Variants in ACSF3 observed in about 807,000 individuals in gnomAD.
ACSF3 encodes malonate--CoA ligase ACSF3, mitochondrial.
Under a neutral mutation model 53.2 loss-of-function variants are expected in ACSF3, and 78 were observed. The observed-to-expected ratio is 1.47, with a 90% CI of 1.22 to 1.77. The LOEUF is 1.77. Ranked by LOEUF, ACSF3 falls within the 40% of genes most tolerant of loss-of-function variation. The pLI is 0.00. For synonymous variants in ACSF3, 414 were observed against 333.1 expected (o/e 1.24, Z -2.65); for missense variants, 937 against 771.1 (o/e 1.22, Z -2.55).
At position 89,155,934 on chromosome 16, in the gene ACSF3, C is replaced by T. The variant is rs922544104; in HGVS notation, c.*1727C>T. ...CTACAGAAAGCCTGGAGCTCATTGA[C>T]CAGAAACTGCAGAGAGCCTGGAGCT... On this transcript the variant is annotated 3_prime_UTR_variant, in exon 11 of 11. Transcript: ENST00000614302. The T allele has an allele frequency of 1.6e-5, 6 of 367,604 alleles. No homozygotes were observed. The highest frequency in any genetic ancestry group is 7.2e-5 in the East Asian group (1 of 13,826). 22.8% of individuals were successfully genotyped at this position (367,604 alleles called of 1,614,324 possible). A position where few individuals can be genotyped will look rare whatever the true frequency, so the allele number is the denominator to read the frequency against.
chr16:89,113,018 C>T (rs1904325985), intron 5 of ACSF3, among the ~76,000 whole-genome samples: 1 of 152,210 alleles, frequency 6.6e-6, no homozygotes, highest in Non-Finnish European at 1.5e-5. Context: ...TCTGCACTCT[C>T]CCATGAACCT....
intron 8 of ACSF3, among the ~76,000 whole-genome samples, chr16:89,140,660 C>T (rs570196349): frequency 1.1e-4 from 17 of 152,262 alleles, no homozygotes; most frequent in Admixed American, 1.3e-4. Flanking sequence ...GCAGAACAGG[C>T]GCTGTTCTTA....
Position 89,112,230 on chromosome 16 carries a change from T to C in ACSF3, c.961T>C (p.Cys321Arg), listed in dbSNP as rs1407290845. 3 of 1,614,192 alleles carry C rather than the reference T, an allele frequency of 1.9e-6. No homozygotes were observed. In the Admixed American group the frequency reaches 5.0e-5, roughly 27 times the overall value. ...CGCCCAGGATTTCTTGCGTGCAGTTTGTGAAGAAAAAATTAGGTAAGTGAA... is the reference window on the plus strand; with the variant it reads ...CGCCCAGGATTTCTTGCGTGCAGTTCGTGAAGAAAAAATTAGGTAAGTGAA... The part of the protein sequence containing the change: ...PHAQDFLRAV[C>R]EEKIRLMVSG... Residue 321 changes from cysteine (C) to arginine (R), a missense_variant, in exon 5 of 11, where the codon TGT becomes CGT. Physicochemically the swap from Cys to Arg is radical, Grantham distance 180. Coordinates refer to ENST00000614302, the MANE Select transcript of ACSF3 (RefSeq NM_001243279.3).
Position 89,133,162 on chromosome 16 carries a change from G to A in ACSF3, c.1266G>A (p.Glu422=), listed in dbSNP as rs150322170. The change falls in exon 8 of 11, where the codon GAG becomes GAA. Residue 422 remains glutamate, a synonymous_variant. Coordinates refer to ENST00000614302, the MANE Select transcript of ACSF3 (RefSeq NM_001243279.3). ...TGACCCCAGGGTTTGAAGAAAAGGA[G>A]GGGGAGCTGCTGGTGAGGGGACCCT... is the stretch of plus-strand genomic sequence containing the variant. ...TKVTPGFEEK[E]GELLVRGPSV... is the part of the protein sequence containing the mutation. 68 of 1,614,030 alleles carry A rather than the reference G, an allele frequency of 4.2e-5. No homozygotes were observed. The highest frequency in any genetic ancestry group is 1.2e-4 in the South Asian group (11 of 91,086).
At chr16:89,097,816 G>T (rs1222064572) in intron 1 of ACSF3, among the ~76,000 whole-genome samples, 2 of 152,198 alleles carry the variant, frequency 1.3e-5, no homozygotes, top group East Asian at 3.8e-4. Context: ...GAGATGATGT[G>T]GCCTGCAGGA....
chr16:89,102,620 A>G lies in ACSF3; in HGVS notation c.683A>G (p.His228Arg), dbSNP rs1164328345. 1.2e-6 allele frequency: 2 copies of G among 1,613,812 alleles called. No homozygotes were observed. Among genetic ancestry groups the G allele is most frequent in the Non-Finnish European group, 1.7e-6 (2 of 1,180,018 alleles). ...NIRAVVTGLV[H>R]KWAWTKDDVI... is the part of the protein sequence containing the mutation. ...CCCCTGCAGGTGACCGGGCTGGTCC[A>G]CAAGTGGGCATGGACCAAAGACGAC... Residue 228 changes from histidine to arginine, a missense_variant, in exon 4 of 11, where the codon CAC becomes CGC. His to Arg is a conservative substitution (Grantham distance 29, BLOSUM62 0). Transcript: ENST00000614302.
intron 7 of ACSF3, among the ~76,000 whole-genome samples, chr16:89,125,701 A>AGAGAGC (rs1002243024): frequency 6.6e-6 from 1 of 150,618 alleles, no homozygotes; most frequent in Non-Finnish European, 1.5e-5. Context: ...AAAAAAAAAG[A>AGAGAGC]GAGAGAGAGA....
intron 8 of ACSF3, among the ~76,000 whole-genome samples, chr16:89,134,636 C>G (rs553344456): frequency 6.6e-6 from 1 of 152,230 alleles, no homozygotes; most frequent in Non-Finnish European, 1.5e-5. Flanking sequence ...CCAGAGAGGG[C>G]AGCCGTTGCC....
chr16:89,111,943 G>C, intron 4 of ACSF3, 149 bp from the exon 5 acceptor site: 1 of 790,580 alleles, frequency 1.3e-6, no homozygotes, highest in Non-Finnish European at 2.2e-6. Flanking sequence ...TGTGGGAAGG[G>C]GTCAGAGTTT....
At chr16:89,136,536 C>T (rs1910507817) in intron 8 of ACSF3, 2 of 1,267,058 alleles carry the variant, frequency 1.6e-6, no homozygotes, top group African/African-American at 1.5e-5. Context: ...AAACTTAACC[C>T]TTTCCCTGGC....
At chr16:89,094,466 G>A (rs74036105) in intron 1 of ACSF3, among the ~76,000 whole-genome samples, 4,886 of 152,312 alleles carry the variant, frequency 0.032, 242 homozygotes, top group African/African-American at 0.11. Context: ...CTATGAGCAA[G>A]CAATGGAGAC....
rs758446662 is a variant in ACSF3, at chr16:89,145,227, G to A, written c.1367-40G>A. ...CCTTTTCCTCAGGGGACACCGTGGT[G>A]TTTAAGGATGGCCAGTTAACCAGAG... On this transcript the variant is annotated intron_variant, in intron 8 of 10. Coordinates refer to ENST00000614302, the MANE Select transcript of ACSF3 (RefSeq NM_001243279.3). 1.7e-5 allele frequency: 27 copies of A among 1,613,772 alleles called. No homozygotes were observed. The Admixed American group carries it at 2.0e-4, about 12-fold the overall frequency.
chr16:89,139,082 C>T (rs575386040), intron 8 of ACSF3, among the ~76,000 whole-genome samples: 10 of 152,350 alleles, frequency 6.6e-5, no homozygotes, highest in African/African-American at 1.9e-4. Flanking sequence ...TCCTCAGGCA[C>T]GGCCCGGCTC....
In ACSF3 at chr16:89,145,433, G is replaced by A. The variant is rs371524636; in HGVS notation, c.1501+32G>A. ...GGCCGGACTTGGGCCAGGGAGGCCA[G>A]GCTAGACGGGTGCTGCCTTCCATGT... On this transcript the variant is annotated intron_variant, in intron 9 of 10. Coordinates refer to ENST00000614302, the MANE Select transcript of ACSF3 (RefSeq NM_001243279.3). The A allele has an allele frequency of 2.5e-5, 41 of 1,612,622 alleles. No homozygotes were observed. In the African/African-American group the frequency reaches 5.5e-4, roughly 21 times the overall value.
chr16:89,121,761 G>C (rs1025214881), intron 7 of ACSF3, among the ~76,000 whole-genome samples: 3 of 152,216 alleles, frequency 2.0e-5, no homozygotes. Context: ...TGCAGAGGCT[G>C]AGGGGCCGTG....
chr16:89,129,096 C>T (rs979323749), intron 7 of ACSF3, among the ~76,000 whole-genome samples: 3 of 152,206 alleles, frequency 2.0e-5, no homozygotes, highest in African/African-American at 4.8e-5. Context: ...GATGCCACCG[C>T]ACTCCAGCCT....
At chr16:89,118,648 T>C (rs1905820879) in intron 6 of ACSF3, among the ~76,000 whole-genome samples, 1 of 152,226 alleles carries the variant, frequency 6.6e-6, no homozygotes, top group Admixed American at 6.5e-5. Flanking sequence ...GGGAGATGAA[T>C]AATTCATGGC....
In ACSF3 at chr16:89,155,841, G is replaced by A. The variant is rs962645807; in HGVS notation, c.*1634G>A. On this transcript the variant is annotated 3_prime_UTR_variant, in exon 11 of 11. Coordinates refer to ENST00000614302, the MANE Select transcript of ACSF3 (RefSeq NM_001243279.3). ...GCTTACATAATCATTTGCTTTATCC[G>A]ATAGTATACATCAGTATATCATGCT... The A allele has an allele frequency of 8.9e-6, 4 of 451,152 alleles. No homozygotes were observed. Among genetic ancestry groups the A allele is most frequent in the Non-Finnish European group, 1.8e-5 (4 of 225,516 alleles). 27.9% of individuals were successfully genotyped at this position (451,152 alleles called of 1,614,324 possible).
chr16:89,127,251 C>T (rs193273372), intron 7 of ACSF3, among the ~76,000 whole-genome samples: 24 of 151,946 alleles, frequency 1.6e-4, no homozygotes, highest in Admixed American at 7.9e-4. Flanking sequence ...GAAGTGTTCT[C>T]TCCTCTTTTT....
Sources: gnomAD v4.1 joint callset for allele counts (sites outside exome capture counted in the v4.1 genomes callset) on GRCh38, gnomAD v4.1.1 for gene constraint, MANE v1.5 for transcripts, NCBI Gene and HGNC (gene_info 2026-07-23, HGNC 2026-07-21) for gene names.